Variants in ZCCHC2 observed in about 807,000 individuals in gnomAD.
ZCCHC2 encodes zinc finger CCHC-type containing 2, also known as zinc finger CCHC domain-containing protein 2.
Under a neutral mutation model 103.6 loss-of-function variants are expected in ZCCHC2, and 39 were observed. That is an observed-to-expected ratio of 0.38 (90% CI 0.29 to 0.49). The LOEUF is 0.49. Among genes scored for constraint, ZCCHC2 ranks in the 20% least tolerant of loss-of-function variants. ZCCHC2 has a pLI of 0.96. For missense variants in ZCCHC2, 1,483 were observed against 1,491.0 expected, an observed-to-expected ratio of 0.99 and a Z score of 0.09; for synonymous variants, 687 against 608.9, an observed-to-expected ratio of 1.13 and a Z score of -1.89.
At chr18:62,559,063 A>G (rs1298342388) in intron 7 of ZCCHC2, among the ~76,000 whole-genome samples, 3 of 152,266 alleles carry the variant, frequency 2.0e-5, no homozygotes, top group African/African-American at 7.2e-5. Flanking sequence ...TGCAGAAGAC[A>G]TTCAAGTGAA....
intron 1 of ZCCHC2, among the ~76,000 whole-genome samples, chr18:62,526,713 C>G (rs1417358590): frequency 6.6e-6 from 1 of 152,150 alleles, no homozygotes; most frequent in Non-Finnish European, 1.5e-5. Context: ...GCGCCGCGAC[C>G]CGCCTTAGGG....
intron 7 of ZCCHC2, among the ~76,000 whole-genome samples, chr18:62,559,492 G>T (rs1056838013): frequency 6.6e-6 from 1 of 152,236 alleles, no homozygotes; most frequent in African/African-American, 2.4e-5. Flanking sequence ...TGACATCAAG[G>T]ATATGAAGCA....
intron 3 of ZCCHC2, among the ~76,000 whole-genome samples, chr18:62,542,994 C>T (rs1915264460): frequency 6.6e-6 from 1 of 152,144 alleles, no homozygotes; most frequent in Non-Finnish European, 1.5e-5. Flanking sequence ...TGGTGCCCGT[C>T]CTTTCCACAG....
At chr18:62,558,019 G>T (rs997674652) in intron 6 of ZCCHC2, among the ~76,000 whole-genome samples, 2 of 147,006 alleles carry the variant, frequency 1.4e-5, no homozygotes, top group African/African-American at 5.0e-5. Flanking sequence ...ACACTGTTGG[G>T]TTTTTTTTTT....
chr18:62,577,554 T>A lies in ZCCHC2; in HGVS notation c.*975T>A, dbSNP rs1288204590. On this transcript the variant is annotated 3_prime_UTR_variant, in exon 14 of 14. Coordinates refer to ENST00000269499, the MANE Select transcript of ZCCHC2 (RefSeq NM_017742.6). ...CGTTGTGTTTAAAATGTGTATGGTT[T>A]ATTGCAATCTGAACAGAGCTATGGG... 1 of 152,650 alleles carries A rather than the reference T, an allele frequency of 6.6e-6. No homozygotes were observed. The allele number at this position is 152,650 out of a possible 1,614,324, so 9.5% of individuals were successfully genotyped here.
intron 2 of ZCCHC2, among the ~76,000 whole-genome samples, chr18:62,541,192 A>G (rs140081858): frequency 1.3e-5 from 2 of 152,324 alleles, no homozygotes; most frequent in Non-Finnish European, 2.9e-5. Flanking sequence ...AAGGAGTTAC[A>G]GGCTTTTGCC....
intron 4 of ZCCHC2, among the ~76,000 whole-genome samples, chr18:62,550,004 T>G (rs2145506499): frequency 6.6e-6 from 1 of 152,346 alleles, no homozygotes; most frequent in Middle Eastern, 3.4e-3. Flanking sequence ...AATCTTCACC[T>G]TAACTCGAGA....
rs1914691645 is a variant in ZCCHC2, at chr18:62,531,840, C to T, written c.939+7477C>T. 2.6e-5 allele frequency among the ~76,000 whole-genome samples: 4 copies of T among 151,000 alleles called. 1 individual carries two copies. The highest frequency in any genetic ancestry group is 4.2e-4 in the South Asian group (2 of 4,732). ...TGTTAGCTGGGTGTGGAGGCAAGTA[C>T]CTGTAGTCCCAACTACTCAGGAGGC... is the stretch of plus-strand genomic sequence containing the variant. On this transcript the variant is annotated intron_variant, in intron 1 of 13. Transcript: ENST00000269499.
At chr18:62,540,461 A>T (rs1198239345) in intron 2 of ZCCHC2, among the ~76,000 whole-genome samples, 3 of 150,238 alleles carry the variant, frequency 2.0e-5, no homozygotes, top group Non-Finnish European at 4.4e-5. Context: ...ACCAGTAATA[A>T]TCCTTTTTGT....
At position 62,523,274 on chromosome 18, in the gene ZCCHC2, G is replaced by C; in HGVS notation, c.-151G>C. ...CCGCCGGCCGGCCACCGCCCCCCTC[G>C]CCGGCCGAGACCCGCCCCCGGCCCC... On this transcript the variant is annotated 5_prime_UTR_variant, in exon 1 of 14. Transcript: ENST00000269499. The C allele has an allele frequency of 1.5e-6, 1 of 674,040 alleles. No individual in the cohort carries two copies. The highest frequency in any genetic ancestry group is 1.8e-6 in the Non-Finnish European group (1 of 549,528). The allele number at this position is 674,040 out of a possible 1,614,324, so 41.8% of individuals were successfully genotyped here. A position where few individuals can be genotyped will look rare whatever the true frequency, so the allele number is the denominator to read the frequency against.
chr18:62,536,164 C>T (rs774581143), intron 1 of ZCCHC2, among the ~76,000 whole-genome samples: 2 of 152,144 alleles, frequency 1.3e-5, no homozygotes, highest in African/African-American at 4.8e-5. Flanking sequence ...GATGGGTCTA[C>T]GTGTGATCTG....
At chr18:62,550,002 C>T (rs1279728611) in intron 4 of ZCCHC2, among the ~76,000 whole-genome samples, 2 of 152,194 alleles carry the variant, frequency 1.3e-5, no homozygotes, top group Non-Finnish European at 2.9e-5. Flanking sequence ...AGAATCTTCA[C>T]CTTAACTCGA....
At chr18:62,579,787 A>C (rs1598972334), downstream of ZCCHC2, among the ~76,000 whole-genome samples, 3 of 152,080 alleles carry the variant, frequency 2.0e-5, no homozygotes, top group Admixed American at 2.0e-4. Context: ...CAATGGTGCA[A>C]TCTCGACTCA....
At chr18:62,564,702 A>G (rs779748502) in intron 10 of ZCCHC2, 67 bp downstream of exon 10, 38 of 1,168,888 alleles carry the variant, frequency 3.3e-5, no homozygotes, top group Admixed American at 6.0e-5. Flanking sequence ...TTATGATAGT[A>G]TACAACATAG....
At position 62,523,526 on chromosome 18, in the gene ZCCHC2, T is replaced by A; in HGVS notation, c.102T>A (p.Pro34=). The A allele has an allele frequency of 1.2e-6, 1 of 850,100 alleles. No individual in the cohort carries two copies. Among genetic ancestry groups the A allele is most frequent in the Non-Finnish European group, 1.4e-6 (1 of 720,896 alleles). 52.7% of individuals were successfully genotyped at this position (850,100 alleles called of 1,614,324 possible). ...EADARPGAKA[P]SRRRRDCRPP... ...ACGCGCGGCCGGGCGCGAAGGCGCC[T>A]TCGCGCCGCCGCCGCGACTGCCGCC... is the stretch of plus-strand genomic sequence containing the variant. Residue 34 remains proline (P), a synonymous_variant, in exon 1 of 14, where the codon CCT becomes CCA. Coordinates refer to ENST00000269499, the MANE Select transcript of ZCCHC2 (RefSeq NM_017742.6).
Position 62,574,168 on chromosome 18 carries a change from T to A in ZCCHC2, c.2087T>A (p.Leu696Gln). The stretch of plus-strand genomic sequence containing the variant: ...AAGCCACCTGTTCAAATTGCTTCAC[T>A]AGGAAATGAGAATGGAAACCTTTTA... ...TVKPPVQIAS[L>Q]GNENGNLLED... The change falls in exon 13 of 14, where the codon CTA becomes CAA. Residue 696 changes from leucine to glutamine, a missense_variant. Leu to Gln is a moderately radical substitution (Grantham distance 113, BLOSUM62 -2). Coordinates refer to ENST00000269499, the MANE Select transcript of ZCCHC2 (RefSeq NM_017742.6). 6.2e-7 allele frequency: 1 copy of A among 1,614,034 alleles called. No individual in the cohort carries two copies. Among genetic ancestry groups the A allele is most frequent in the Non-Finnish European group, 8.5e-7 (1 of 1,179,878 alleles).
Position 62,524,351 on chromosome 18 carries a change from C to A in ZCCHC2, c.927C>A (p.Gly309=), listed in dbSNP as rs985668159. The A allele has an allele frequency of 1.3e-6, 2 of 1,525,522 alleles. No homozygotes were observed. Among genetic ancestry groups the A allele is most frequent in the Non-Finnish European group, 1.8e-6 (2 of 1,137,744 alleles). 94.5% of individuals were successfully genotyped at this position (1,525,522 alleles called of 1,614,324 possible). Residue 309 remains glycine (G), a synonymous_variant, in exon 1 of 14, where the codon GGC becomes GGA. Transcript: ENST00000269499. ...EVEVEPCKFA[G]PRAQNNSAHG... is the part of the protein sequence containing the mutation. ...AGGTAGAGCCGTGCAAGTTTGCCGGCCCCAGGGCCCAGGTAAGGCGCACGG... is the reference window on the plus strand; with the variant it reads ...AGGTAGAGCCGTGCAAGTTTGCCGGACCCAGGGCCCAGGTAAGGCGCACGG...
rs752208242 is a variant in ZCCHC2, at chr18:62,574,054, T to C, written c.1976-3T>C. On this transcript the variant is annotated splice_polypyrimidine_tract_variant and splice_region_variant and intron_variant, in intron 12 of 13. Transcript: ENST00000269499. ...AATATCTCTTTATGTTTGTTTTCTT[T>C]AGACACAGACAGCAATTCTGAGGAT... 1 of 1,610,244 alleles carries C rather than the reference T, an allele frequency of 6.2e-7. No individual in the cohort carries two copies. Among genetic ancestry groups the C allele is most frequent in the Non-Finnish European group, 8.5e-7 (1 of 1,177,860 alleles).
At chr18:62,531,425 A>G (rs1416210256) in intron 1 of ZCCHC2, among the ~76,000 whole-genome samples, 1 of 152,132 alleles carries the variant, frequency 6.6e-6, no homozygotes, top group Non-Finnish European at 1.5e-5. Flanking sequence ...TAAGTCATTT[A>G]TTTGAGGTCA....
Sources: allele counts gnomAD v4.1 joint callset (sites outside exome capture counted in the v4.1 genomes callset), GRCh38; gene constraint gnomAD v4.1.1; transcripts MANE v1.5; gene names NCBI Gene and HGNC (gene_info 2026-07-23, HGNC 2026-07-21).